RMDN2: variants seen among roughly 807,000 people sequenced by gnomAD.
RMDN2 encodes regulator of microtubule dynamics protein 2.
A neutral mutation model predicts 52.8 loss-of-function variants in RMDN2; 61 were observed. The ratio of observed to expected loss-of-function variants is 1.16; its 90% CI spans 0.94 to 1.43. The LOEUF (loss-of-function observed/expected upper bound fraction) is 1.43. RMDN2 is among the 40% of genes most tolerant of loss of function. The probability of loss-of-function intolerance (pLI) is 0.00; values close to 1 mark genes in which losing one functional copy is unlikely to be tolerated. For synonymous variants in RMDN2, 180 were observed against 153.1 expected, an observed-to-expected ratio of 1.18 and a Z score of -1.30; for missense variants, 592 against 475.3, an observed-to-expected ratio of 1.25 and a Z score of -2.28.
chr2:37,970,299 G>A (rs1558489498), intron 2 of RMDN2, among the ~76,000 whole-genome samples: 1 of 152,030 alleles, frequency 6.6e-6, no homozygotes, highest in Non-Finnish European at 1.5e-5. Context: ...AATTTTTTTG[G>A]TAATGACTGA....
In RMDN2 at chr2:37,963,571, T is replaced by A. The variant is rs370439765; in HGVS notation, c.453-10469T>A. Among the ~76,000 whole-genome samples, 4 of 152,312 alleles carry A rather than the reference T, an allele frequency of 2.6e-5. No individual in the cohort carries two copies. In the East Asian group the frequency reaches 7.7e-4, roughly 29 times the overall value. On this transcript the variant is annotated intron_variant, in intron 2 of 10. Transcript: ENST00000354545. ...CTGTTTAACAAAGCACATCTTGCAC[T>A]GCCCTTAATCCATTTAACCCTGAGT...
intron 10 of RMDN2, among the ~76,000 whole-genome samples, chr2:38,052,626 T>C (rs6749183): frequency 0.023 from 3,492 of 152,268 alleles, 140 homozygotes; most frequent in African/African-American, 0.079. Flanking sequence ...CAAGTAGTTT[T>C]ATAGTCCCAG....
chr2:37,921,412 CTT>C (rs1399641063), upstream of RMDN2, among the ~76,000 whole-genome samples: 1 of 152,190 alleles, frequency 6.6e-6, no homozygotes, highest in Admixed American at 6.5e-5. Flanking sequence ...TTATATTCCT[CTT>C]TTCCCCAAAT....
intron 10 of RMDN2, among the ~76,000 whole-genome samples, chr2:38,048,200 C>T (rs1473073500): frequency 6.6e-6 from 1 of 152,222 alleles, no homozygotes; most frequent in African/African-American, 2.4e-5. Context: ...TCTGGGACTT[C>T]TGTATGTGCT....
At chr2:37,940,288 G>A (rs192725044) in intron 2 of RMDN2, among the ~76,000 whole-genome samples, 8 of 152,144 alleles carry the variant, frequency 5.3e-5, no homozygotes, top group Admixed American at 5.2e-4. Flanking sequence ...TGGGTAACTC[G>A]ACCTTTCTCT....
At chr2:38,038,167 C>T (rs562722428) in intron 10 of RMDN2, among the ~76,000 whole-genome samples, 13 of 152,228 alleles carry the variant, frequency 8.5e-5, no homozygotes, top group Non-Finnish European at 1.8e-4. Context: ...CAGCAAAAAT[C>T]TCAAGCCCAG....
At chr2:38,000,855 C>T (rs560475607) in intron 8 of RMDN2, among the ~76,000 whole-genome samples, 3 of 152,138 alleles carry the variant, frequency 2.0e-5, no homozygotes, top group South Asian at 2.1e-4. Context: ...GGATAAGAAC[C>T]TAGGGGTGGA....
chr2:37,965,808 G>C (rs1398994139), intron 2 of RMDN2, among the ~76,000 whole-genome samples: 1 of 152,172 alleles, frequency 6.6e-6, no homozygotes, highest in Non-Finnish European at 1.5e-5. Context: ...TCTAGTGATA[G>C]TGAACTTCCT....
intron 8 of RMDN2, among the ~76,000 whole-genome samples, chr2:38,003,584 A>ATAGG (rs1676631445): frequency 6.6e-6 from 1 of 151,850 alleles, no homozygotes; most frequent in Non-Finnish European, 1.5e-5. Flanking sequence ...AGATAGATAG[A>ATAGG]TAGATAGATA....
intron 10 of RMDN2, among the ~76,000 whole-genome samples, chr2:38,053,388 A>T (rs753491848): frequency 1.3e-5 from 2 of 152,328 alleles, no homozygotes; most frequent in African/African-American, 4.8e-5. Context: ...AATGTCAAAC[A>T]CACACACATT....
At chr2:38,067,006 G>C (rs567581508) in exon 11 of RMDN2, 11 of 1,613,618 alleles carry the variant, frequency 6.8e-6, no homozygotes, top group Non-Finnish European at 8.5e-6. Context: ...AAGATAAAGA[G>C]CCTTTGGTAC....
intron 2 of RMDN2, among the ~76,000 whole-genome samples, chr2:37,964,291 T>G (rs1670742912): frequency 6.6e-6 from 1 of 152,268 alleles, no homozygotes; most frequent in Admixed American, 6.5e-5. Context: ...TACAAAAATC[T>G]TCCTTCTTTT....
At chr2:37,925,819 A>G (rs1217445746) in intron 1 of RMDN2, among the ~76,000 whole-genome samples, 1 of 152,136 alleles carries the variant, frequency 6.6e-6, no homozygotes, top group Non-Finnish European at 1.5e-5. Context: ...CCTTGCGCAA[A>G]CATTTTGTTT....
chr2:38,010,445 C>T (rs1276161178), intron 10 of RMDN2, among the ~76,000 whole-genome samples: 3 of 152,200 alleles, frequency 2.0e-5, no homozygotes, highest in Non-Finnish European at 4.4e-5. Flanking sequence ...TGCTGCCTTG[C>T]AGTTTGATCT....
chr2:38,063,586 A>C (rs925928908), intron 10 of RMDN2, among the ~76,000 whole-genome samples: 30 of 152,180 alleles, frequency 2.0e-4, no homozygotes, highest in Non-Finnish European at 2.5e-4. Flanking sequence ...TCTGCACAGC[A>C]AAAGAAACTA....
intron 10 of RMDN2, among the ~76,000 whole-genome samples, chr2:38,007,648 A>G (rs955102594): frequency 6.6e-6 from 1 of 152,176 alleles, no homozygotes; most frequent in Non-Finnish European, 1.5e-5. Flanking sequence ...GATCTTTTCA[A>G]AAAATCAGCT....
At chr2:37,962,679 C>T (rs1486684838) in intron 2 of RMDN2, among the ~76,000 whole-genome samples, 2 of 152,104 alleles carry the variant, frequency 1.3e-5, no homozygotes, top group Admixed American at 6.5e-5. Context: ...TGGCTTTTGC[C>T]TCCTTTCCCA....
At chr2:38,014,734 A>G (rs1322387060) in intron 10 of RMDN2, among the ~76,000 whole-genome samples, 1 of 152,222 alleles carries the variant, frequency 6.6e-6, no homozygotes, top group Non-Finnish European at 1.5e-5. Context: ...GGTGAAAGAG[A>G]GAGATTATCT....
chr2:38,040,650 C>T (rs950927104), intron 10 of RMDN2, among the ~76,000 whole-genome samples: 6 of 152,178 alleles, frequency 3.9e-5, no homozygotes, highest in Admixed American at 2.6e-4. Flanking sequence ...GTCCTGAAGT[C>T]AGGTAATTTT....
Sources: allele counts gnomAD v4.1 joint callset (sites outside exome capture counted in the v4.1 genomes callset), GRCh38; gene constraint gnomAD v4.1.1; transcripts MANE v1.5; gene names NCBI Gene and HGNC (gene_info 2026-07-23, HGNC 2026-07-21).